The following TCERG1L variants were observed in gnomAD, a reference collection of about 807,000 sequenced individuals.
TCERG1L encodes the protein transcription elongation regulator 1-like protein.
TCERG1L carries 37 observed loss-of-function variants against 56.3 expected under a neutral mutation model. The ratio of observed to expected loss-of-function variants is 0.66; its 90% CI spans 0.51 to 0.87. The LOEUF (loss-of-function observed/expected upper bound fraction) is 0.87. Ranked by LOEUF, TCERG1L falls within the 40% of genes least tolerant of loss-of-function variation. The probability of loss-of-function intolerance (pLI) is 0.00; values close to 1 mark genes in which losing one functional copy is unlikely to be tolerated. For synonymous variants in TCERG1L, 324 were observed against 326.3 expected, an observed-to-expected ratio of 0.99 and a Z score of 0.08; for missense variants, 799 against 774.2, an observed-to-expected ratio of 1.03 and a Z score of -0.38.
intron 3 of TCERG1L, among the ~76,000 whole-genome samples, chr10:131,270,694 CAA>C (rs1308268235): frequency 6.6e-6 from 1 of 152,222 alleles, no homozygotes; most frequent in Non-Finnish European, 1.5e-5. Context: ...ATCAAACTTG[CAA>C]AAGAGTTTTG....
At chr10:131,238,942 G>A (rs1256291895) in intron 4 of TCERG1L, among the ~76,000 whole-genome samples, 1 of 152,214 alleles carries the variant, frequency 6.6e-6, no homozygotes, top group Non-Finnish European at 1.5e-5. Flanking sequence ...GCAGTGGGTG[G>A]TGTGCCTGCT....
intron 3 of TCERG1L, among the ~76,000 whole-genome samples, chr10:131,272,269 T>C (rs1049990398): frequency 5.3e-5 from 8 of 152,168 alleles, no homozygotes; most frequent in East Asian, 3.9e-4. Context: ...CGCCAGGTGT[T>C]TGCATATCTG....
In TCERG1L at chr10:131,293,960, G is replaced by A. The variant is rs181357055; in HGVS notation, c.670+14251C>T. Among the ~76,000 whole-genome samples the A allele has an allele frequency of 1.4e-4, 21 of 152,206 alleles. 1 individual carries two copies. The South Asian group carries it at 2.5e-3, about 18-fold the overall frequency. The stretch of plus-strand genomic sequence containing the variant: ...CCATCACTGTCTTTCTGGTTCAGAC[G>A]CGTGGTGGCTGTAGGTAAGGCCCAG... On this transcript the variant is annotated intron_variant, in intron 3 of 11. Coordinates refer to ENST00000368642, the MANE Select transcript of TCERG1L (RefSeq NM_174937.4).
chr10:131,254,166 G>A (rs1846144162), intron 4 of TCERG1L, among the ~76,000 whole-genome samples: 1 of 151,976 alleles, frequency 6.6e-6, no homozygotes, highest in Admixed American at 6.6e-5. Flanking sequence ...GACTGGGAAG[G>A]CACCATCAGG....
intron 4 of TCERG1L, among the ~76,000 whole-genome samples, chr10:131,186,060 G>A (rs1845239809): frequency 6.6e-6 from 1 of 152,206 alleles, no homozygotes; most frequent in Non-Finnish European, 1.5e-5. Flanking sequence ...ATGGTACTGT[G>A]CAGATGAACC....
chr10:131,256,944 AGAAAGAAG>A (rs1298024532), intron 4 of TCERG1L, among the ~76,000 whole-genome samples: 2 of 92,718 alleles, frequency 2.2e-5, no homozygotes, highest in Non-Finnish European at 2.2e-5. Context: ...AGGGAGGAAG[AGAAAGAAG>A]GAAGGAAGGA....
At chr10:131,247,969 C>T (rs544776855) in intron 4 of TCERG1L, among the ~76,000 whole-genome samples, 1 of 151,378 alleles carries the variant, frequency 6.6e-6, no homozygotes. Context: ...TAAATTCACA[C>T]CCACATACCC....
At chr10:131,131,201 G>C (rs995179280) in intron 8 of TCERG1L, among the ~76,000 whole-genome samples, 20 of 152,282 alleles carry the variant, frequency 1.3e-4, no homozygotes, top group Admixed American at 1.3e-3. Context: ...TTCATTCTTG[G>C]GAGAAGGCGG....
At chr10:131,108,832 G>A (rs998862366) in intron 9 of TCERG1L, among the ~76,000 whole-genome samples, 2 of 152,204 alleles carry the variant, frequency 1.3e-5, no homozygotes, top group Non-Finnish European at 2.9e-5. Context: ...TCTTGTGGTT[G>A]CAGGGCTGAA....
intron 3 of TCERG1L, among the ~76,000 whole-genome samples, chr10:131,291,351 T>C (rs1204255660): frequency 6.8e-6 from 1 of 146,850 alleles, no homozygotes; most frequent in African/African-American, 2.5e-5. Context: ...AAGATATATA[T>C]AGATAGATAC....
chr10:131,186,213 C>A (rs1286857117), intron 4 of TCERG1L, among the ~76,000 whole-genome samples: 1 of 152,010 alleles, frequency 6.6e-6, no homozygotes, highest in African/African-American at 2.4e-5. Context: ...GGAGGGGAAA[C>A]TGGGGAGAAA....
intron 6 of TCERG1L, among the ~76,000 whole-genome samples, chr10:131,150,924 G>T (rs4454631): frequency 0.045 from 6,910 of 152,316 alleles, 186 homozygotes; most frequent in Middle Eastern, 0.15. Context: ...GGCAGCAGGA[G>T]AGAGAATGAG....
At chr10:131,242,959 G>C (rs1032516406) in intron 4 of TCERG1L, among the ~76,000 whole-genome samples, 7 of 152,162 alleles carry the variant, frequency 4.6e-5, no homozygotes, top group African/African-American at 1.7e-4. Flanking sequence ...TGAAGAAATA[G>C]GGACGTCAAT....
chr10:131,291,027 A>G (rs1216181102), intron 3 of TCERG1L, among the ~76,000 whole-genome samples: 1 of 152,190 alleles, frequency 6.6e-6, no homozygotes, highest in African/African-American at 2.4e-5. Context: ...TAAAGAGGCA[A>G]TGTGTTCTGA....
At chr10:131,252,908 A>G (rs1443503970) in intron 4 of TCERG1L, among the ~76,000 whole-genome samples, 1 of 152,140 alleles carries the variant, frequency 6.6e-6, no homozygotes, top group African/African-American at 2.4e-5. Flanking sequence ...TGATCTGTCT[A>G]CAGACCAACT....
chr10:131,210,483 C>T (rs1564816789), intron 4 of TCERG1L, among the ~76,000 whole-genome samples: 1 of 152,222 alleles, frequency 6.6e-6, no homozygotes, highest in Non-Finnish European at 1.5e-5. Flanking sequence ...ACCGGCACTC[C>T]GTGGGCAATA....
intron 11 of TCERG1L, among the ~76,000 whole-genome samples, chr10:131,096,817 C>T (rs567710932): frequency 2.7e-5 from 4 of 148,460 alleles, no homozygotes; most frequent in Admixed American, 6.8e-5. Flanking sequence ...ACCCAGGAGG[C>T]GGAGCTTGCA....
chr10:131,268,635 C>T (rs1037668580), intron 3 of TCERG1L, among the ~76,000 whole-genome samples: 32 of 152,226 alleles, frequency 2.1e-4, no homozygotes, highest in African/African-American at 6.5e-4. Flanking sequence ...CCACCTTCAT[C>T]GACGCTCTTA....
At chr10:131,305,820 T>C (rs1846813553) in intron 3 of TCERG1L, among the ~76,000 whole-genome samples, 1 of 150,930 alleles carries the variant, frequency 6.6e-6, no homozygotes, top group Admixed American at 6.6e-5. Context: ...ATAACAAGAT[T>C]GATCTTTGTA....
Sources: gnomAD v4.1 joint callset for allele counts (sites outside exome capture counted in the v4.1 genomes callset) on GRCh38, gnomAD v4.1.1 for gene constraint, MANE v1.5 for transcripts, NCBI Gene and HGNC (gene_info 2026-07-23, HGNC 2026-07-21) for gene names.